Variants in PBX1 observed in about 807,000 individuals in gnomAD.
PBX1 encodes the protein pre-B-cell leukemia transcription factor 1.
PBX1 carries 6 observed loss-of-function variants against 53.4 expected under a neutral mutation model. The ratio of observed to expected loss-of-function variants is 0.11; its 90% CI spans 0.06 to 0.22. The LOEUF is 0.22. Ranked by LOEUF, PBX1 falls within the 10% of genes least tolerant of loss-of-function variation. The probability of loss-of-function intolerance (pLI) is 1.00; values close to 1 mark genes in which losing one functional copy is unlikely to be tolerated. For synonymous variants in PBX1, 204 were observed against 212.3 expected (o/e 0.96, Z 0.34); for missense variants, 251 against 551.4 (o/e 0.46, Z 5.46).
Position 164,849,674 on chromosome 1 carries a change from C to T in PBX1, c.*2998C>T, listed in dbSNP as rs1671738948. On this transcript the variant is annotated 3_prime_UTR_variant, in exon 9 of 9. Transcript: ENST00000420696. ...CTCCTCCTTTTCATCCCTAATCCAT[C>T]CTCCCTCTGGCATGGAATTGACGCC... 3 of 390,994 alleles carry T rather than the reference C, an allele frequency of 7.7e-6. No homozygotes were observed. The highest frequency in any genetic ancestry group is 1.4e-5 in the Non-Finnish European group (3 of 217,510). 24.2% of individuals were successfully genotyped at this position (390,994 alleles called of 1,614,324 possible).
chr1:164,622,598 T>C (rs2101856357), intron 2 of PBX1, among the ~76,000 whole-genome samples: 1 of 152,218 alleles, frequency 6.6e-6, no homozygotes, highest in Middle Eastern at 3.4e-3. Context: ...TCCTTTGAAT[T>C]CTCTACCCAT....
chr1:164,603,929 ATTTTTTTTTTTTTTTTTTT>A (rs71583414), intron 2 of PBX1, among the ~76,000 whole-genome samples: 90 of 75,760 alleles, frequency 1.2e-3, no homozygotes, highest in African/African-American at 5.5e-3. Flanking sequence ...ATGTCATTTC[ATTTTTTTTTTTTTTTTTTT>A]TTTTTTTTTT....
At chr1:164,725,256 C>T (rs1331830686) in intron 2 of PBX1, among the ~76,000 whole-genome samples, 1 of 152,132 alleles carries the variant, frequency 6.6e-6, no homozygotes, top group Admixed American at 6.5e-5. Context: ...GGTGCATAAG[C>T]CCCCAAAGGT....
chr1:164,787,460 C>T (rs1668261586), intron 2 of PBX1, among the ~76,000 whole-genome samples: 1 of 152,156 alleles, frequency 6.6e-6, no homozygotes, highest in African/African-American at 2.4e-5. Flanking sequence ...TGTCCGCCCG[C>T]CTGGAGAACC....
intron 2 of PBX1, among the ~76,000 whole-genome samples, chr1:164,623,813 TC>T (rs1263489372): frequency 6.6e-6 from 1 of 152,222 alleles, no homozygotes; most frequent in Non-Finnish European, 1.5e-5. Flanking sequence ...ATGCTAATGA[TC>T]AAGAGACATG....
intron 2 of PBX1, among the ~76,000 whole-genome samples, chr1:164,635,325 G>A (rs867836958): frequency 3.3e-5 from 5 of 152,162 alleles, no homozygotes; most frequent in East Asian, 3.9e-4. Flanking sequence ...AAAGTGGGGG[G>A]CGAGGGGGGA....
intron 2 of PBX1, among the ~76,000 whole-genome samples, chr1:164,597,077 A>G (rs1655818051): frequency 6.6e-6 from 1 of 152,208 alleles, no homozygotes; most frequent in Non-Finnish European, 1.5e-5. Flanking sequence ...TCCAGGATCT[A>G]CACTTAGCTT....
chr1:164,782,751 G>A (rs1667994016), intron 2 of PBX1, among the ~76,000 whole-genome samples: 1 of 152,198 alleles, frequency 6.6e-6, no homozygotes, highest in African/African-American at 2.4e-5. Context: ...CTAATTTGTA[G>A]CCTCAAGACA....
intron 1 of PBX1, among the ~76,000 whole-genome samples, chr1:164,562,496 A>G (rs1420796062): frequency 8.2e-6 from 1 of 122,532 alleles, no homozygotes; most frequent in Non-Finnish European, 1.7e-5. Context: ...CACACACACC[A>G]GGTAAATCAC....
chr1:164,776,935 G>GTGTGTA (rs58061173), intron 2 of PBX1, among the ~76,000 whole-genome samples: 13 of 98,240 alleles, frequency 1.3e-4, no homozygotes, highest in Admixed American at 3.1e-4. Context: ...GTGTGTGTGT[G>GTGTGTA]GTGGGAGGAG....
At chr1:164,733,498 T>C (rs780591582) in intron 2 of PBX1, among the ~76,000 whole-genome samples, 1 of 152,148 alleles carries the variant, frequency 6.6e-6, no homozygotes, top group Non-Finnish European at 1.5e-5. Flanking sequence ...AAAAAAATCA[T>C]AGGACTATAC....
chr1:164,562,540 C>T (rs1483043735), intron 1 of PBX1, among the ~76,000 whole-genome samples: 4 of 151,622 alleles, frequency 2.6e-5, no homozygotes, highest in African/African-American at 9.7e-5. Context: ...TTATTTTTCC[C>T]CCAATGGGTG....
intron 4 of PBX1, among the ~76,000 whole-genome samples, chr1:164,802,384 G>C (rs2102325681): frequency 6.6e-6 from 1 of 152,240 alleles, no homozygotes; most frequent in South Asian, 2.1e-4. Flanking sequence ...AGCTCGTTCT[G>C]GTTGTTGGCA....
At chr1:164,598,592 T>C (rs1230673311) in intron 2 of PBX1, among the ~76,000 whole-genome samples, 1 of 152,246 alleles carries the variant, frequency 6.6e-6, no homozygotes, top group Admixed American at 6.5e-5. Context: ...GTTGGATTAC[T>C]GGAACTCTCA....
At chr1:164,859,817 A>C (rs929101585) in intron 2 of PBX1, among the ~76,000 whole-genome samples, 2 of 152,222 alleles carry the variant, frequency 1.3e-5, no homozygotes, top group African/African-American at 4.8e-5. Flanking sequence ...ATATGATGCA[A>C]GATTAAACAA....
At chr1:164,707,412 T>TGAGAGA (rs1222854394) in intron 2 of PBX1, among the ~76,000 whole-genome samples, 1 of 106,630 alleles carries the variant, frequency 9.4e-6, no homozygotes, top group Admixed American at 8.9e-5. Flanking sequence ...TGTGTGTGTG[T>TGAGAGA]GTGTGTGAGA....
At chr1:164,878,933 T>C (rs1672579354) in intron 2 of PBX1, among the ~76,000 whole-genome samples, 1 of 152,166 alleles carries the variant, frequency 6.6e-6, no homozygotes, top group African/African-American at 2.4e-5. Flanking sequence ...TAATCTGCCT[T>C]TCTGGAAGCA....
intron 8 of PBX1, chr1:164,828,497 T>C (rs998890872): frequency 2.0e-5 from 3 of 152,234 alleles, no homozygotes; most frequent in African/African-American, 7.2e-5. Context: ...AACTGTGAGA[T>C]GACAGCGTAT....
chr1:164,656,800 T>G (rs1460943149), intron 2 of PBX1, among the ~76,000 whole-genome samples: 2 of 152,152 alleles, frequency 1.3e-5, no homozygotes, highest in Non-Finnish European at 2.9e-5. Context: ...CTGCTACAGG[T>G]ATTCTTATGT....
Sources: gnomAD v4.1 joint callset for allele counts (sites outside exome capture counted in the v4.1 genomes callset) on GRCh38, gnomAD v4.1.1 for gene constraint, MANE v1.5 for transcripts, NCBI Gene and HGNC (gene_info 2026-07-23, HGNC 2026-07-21) for gene names.